The following UBAC2 variants were observed in gnomAD, a reference collection of about 807,000 sequenced individuals.
UBAC2 encodes UBA domain containing 2, also known as ubiquitin-associated domain-containing protein 2.
UBAC2 carries 26 observed loss-of-function variants against 44.0 expected under a neutral mutation model. The observed-to-expected ratio is 0.59, with a 90% CI of 0.43 to 0.82. UBAC2 has a LOEUF of 0.82. Among genes scored for constraint, UBAC2 ranks in the 40% least tolerant of loss-of-function variants. The probability of loss-of-function intolerance (pLI) is 0.00; values close to 1 mark genes in which losing one functional copy is unlikely to be tolerated. For missense variants in UBAC2, 329 were observed against 419.4 expected (o/e 0.78, Z 1.88); for synonymous variants, 155 against 154.3 (o/e 1.00, Z -0.04).
At chr13:99,223,566 T>A (rs2043076745) in intron 1 of UBAC2, among the ~76,000 whole-genome samples, 1 of 102,688 alleles carries the variant, frequency 9.7e-6, no homozygotes, top group East Asian at 3.1e-4. Context: ...TTTTTTTTTT[T>A]AAGATTGTAA....
intron 6 of UBAC2, among the ~76,000 whole-genome samples, chr13:99,329,895 G>A (rs796326498): frequency 3.9e-5 from 6 of 152,282 alleles, no homozygotes; most frequent in African/African-American, 1.4e-4. Context: ...ATTGTTTCAA[G>A]CCACTGAGTC....
chr13:99,271,535 C>T (rs754594727), intron 4 of UBAC2, among the ~76,000 whole-genome samples: 7 of 152,138 alleles, frequency 4.6e-5, no homozygotes, highest in Admixed American at 3.9e-4. Context: ...TCAGGGCATT[C>T]GGGAGCCATT....
At chr13:99,223,438 G>T in intron 1 of UBAC2, among the ~76,000 whole-genome samples, 1 of 148,416 alleles carries the variant, frequency 6.7e-6, no homozygotes, top group African/African-American at 2.5e-5. Flanking sequence ...TCATTGATTT[G>T]TCTCTATTAT....
intron 6 of UBAC2, among the ~76,000 whole-genome samples, chr13:99,339,197 T>G (rs573008835): frequency 6.6e-6 from 1 of 152,306 alleles, no homozygotes; most frequent in East Asian, 1.9e-4. Flanking sequence ...CATCTGCTGC[T>G]TTCTCTGCCC....
intron 4 of UBAC2, among the ~76,000 whole-genome samples, chr13:99,244,863 C>T (rs960561201): frequency 2.1e-4 from 31 of 150,526 alleles, no homozygotes; most frequent in African/African-American, 7.3e-4. Context: ...GACGGAGTCT[C>T]GCTCTGTCAC....
chr13:99,351,359 G>A (rs956950105), intron 7 of UBAC2: 3 of 354,702 alleles, frequency 8.5e-6, no homozygotes, highest in East Asian at 1.5e-4. Flanking sequence ...ACCTGTTTTT[G>A]TACAATCTGA....
chr13:99,312,845 G>A (rs1041497305), intron 4 of UBAC2: 1 of 153,496 alleles, frequency 6.5e-6, no homozygotes, highest in African/African-American at 2.4e-5. Context: ...GAGGAGGACA[G>A]TGGTGGCAGA....
intron 1 of UBAC2, chr13:99,201,260 C>T: frequency 6.9e-7 from 1 of 1,445,006 alleles, no homozygotes; most frequent in Non-Finnish European, 9.1e-7. Flanking sequence ...CGGCCCCAGG[C>T]CCTTTGCGGA....
At chr13:99,364,911 G>A (rs755824613) in intron 7 of UBAC2, among the ~76,000 whole-genome samples, 8 of 152,122 alleles carry the variant, frequency 5.3e-5, no homozygotes, top group Non-Finnish European at 7.4e-5. Flanking sequence ...TGCTGAGAAC[G>A]TTCTAGTCCA....
chr13:99,323,392 A>G (rs570804732), intron 6 of UBAC2, among the ~76,000 whole-genome samples: 20 of 152,290 alleles, frequency 1.3e-4, no homozygotes, highest in African/African-American at 4.6e-4. Context: ...CTTGAGCCCA[A>G]GAGTTCAACA....
chr13:99,332,580 C>T (rs1170263251), intron 6 of UBAC2, among the ~76,000 whole-genome samples: 1 of 152,202 alleles, frequency 6.6e-6, no homozygotes, highest in Non-Finnish European at 1.5e-5. Context: ...TGGACGTGGG[C>T]CAGGGGTTCT....
chr13:99,237,277 C>T lies in UBAC2; in HGVS notation c.32-1150C>T, dbSNP rs868015600. Among the ~76,000 whole-genome samples the T allele has an allele frequency of 5.9e-3, 861 of 146,506 alleles. 5 individuals are homozygous for T. Among genetic ancestry groups the T allele is most frequent in the African/African-American group, 0.016 (638 of 39,720 alleles). ...GCGTATATATATATATATATACACACACACACACACACACACACACAGTGG... is the reference window on the plus strand; with the variant it reads ...GCGTATATATATATATATATACACATACACACACACACACACACACAGTGG... On this transcript the variant is annotated intron_variant, in intron 1 of 8. Transcript: ENST00000403766.
intron 4 of UBAC2, among the ~76,000 whole-genome samples, chr13:99,313,885 G>A (rs560213205): frequency 4.6e-5 from 7 of 152,280 alleles, no homozygotes; most frequent in South Asian, 4.1e-4. Flanking sequence ...TTTCAGGAGG[G>A]TCAATAAGGA....
intron 1 of UBAC2, chr13:99,215,697 G>C (rs562912449): frequency 6.7e-6 from 10 of 1,499,782 alleles, no homozygotes; most frequent in Non-Finnish European, 8.9e-6. Flanking sequence ...GGCTCTCTGC[G>C]AGCGGGAAAC....
At chr13:99,353,540 A>G (rs1175784784) in intron 7 of UBAC2, among the ~76,000 whole-genome samples, 2 of 152,224 alleles carry the variant, frequency 1.3e-5, no homozygotes, top group African/African-American at 4.8e-5. Context: ...ATGATGATGT[A>G]CTTGGCTTTT....
At chr13:99,328,048 T>A (rs1336297903) in intron 6 of UBAC2, among the ~76,000 whole-genome samples, 2 of 152,222 alleles carry the variant, frequency 1.3e-5, no homozygotes, top group African/African-American at 2.4e-5. Flanking sequence ...CTGATCTTCA[T>A]GTAATTATAG....
intron 7 of UBAC2, among the ~76,000 whole-genome samples, chr13:99,365,103 G>C (rs1468991649): frequency 6.6e-6 from 1 of 152,160 alleles, no homozygotes; most frequent in South Asian, 2.1e-4. Flanking sequence ...TTTCATCAAA[G>C]TTATTGGTAT....
intron 2 of UBAC2, among the ~76,000 whole-genome samples, chr13:99,240,738 C>T (rs2043290112): frequency 6.6e-6 from 1 of 152,116 alleles, no homozygotes; most frequent in African/African-American, 2.4e-5. Flanking sequence ...CTCAACACAG[C>T]CTTAGAGGCA....
intron 4 of UBAC2, chr13:99,255,371 T>G (rs1246898168): frequency 1.2e-6 from 2 of 1,613,502 alleles, no homozygotes; most frequent in Non-Finnish European, 1.7e-6. Flanking sequence ...GTGGCGGGAG[T>G]GGAGTCTTTA....
Sources: allele counts gnomAD v4.1 joint callset (sites outside exome capture counted in the v4.1 genomes callset), GRCh38; gene constraint gnomAD v4.1.1; transcripts MANE v1.5; gene names NCBI Gene and HGNC (gene_info 2026-07-23, HGNC 2026-07-21).